CPLANE1: variants seen among roughly 807,000 people sequenced by gnomAD.
CPLANE1 encodes the protein ciliogenesis and planar polarity effector complex subunit 1.
A neutral mutation model predicts 362.5 loss-of-function variants in CPLANE1; 263 were observed. That is an observed-to-expected ratio of 0.73 (90% CI 0.66 to 0.80). CPLANE1 has a LOEUF of 0.80. CPLANE1 is among the 30% of genes least tolerant of loss of function. CPLANE1 has a pLI of 0.00. For synonymous variants in CPLANE1, 1,212 were observed against 1,302.6 expected, an observed-to-expected ratio of 0.93 and a Z score of 1.50; for missense variants, 3,461 against 3,793.4, an observed-to-expected ratio of 0.91 and a Z score of 2.30.
Position 37,209,454 on chromosome 5 carries a change from G to T in CPLANE1, c.2921-3029C>A. ...GCTATACCAGACATTTAAGGATCGG[G>T]GTATACTGGAAACACTCAAGATACA... On this transcript the variant is annotated intron_variant, in intron 16 of 52. Coordinates refer to ENST00000651892, the MANE Select transcript of CPLANE1 (RefSeq NM_001384732.1). The surrounding 1 kb of genome is among the most constrained non-coding windows in gnomAD (Gnocchi z 4.6). 1.5e-6 allele frequency: 2 copies of T among 1,308,956 alleles called. No homozygotes were observed. The highest frequency in any genetic ancestry group is 1.1e-6 in the Non-Finnish European group (1 of 903,898). 81.1% of individuals were successfully genotyped at this position (1,308,956 alleles called of 1,614,324 possible). A position where few individuals can be genotyped will look rare whatever the true frequency, so the allele number is the denominator to read the frequency against.
At chr5:37,126,793 C>G (rs943273725) in intron 46 of CPLANE1, among the ~76,000 whole-genome samples, 2 of 152,098 alleles carry the variant, frequency 1.3e-5, no homozygotes, top group African/African-American at 4.8e-5. Flanking sequence ...TCAAGCCCAG[C>G]TTGGGCAAAA....
Position 37,183,685 on chromosome 5 carries a change from T to C in CPLANE1, c.4496A>G (p.His1499Arg), listed in dbSNP as rs763128117. The change falls in exon 26 of 53, where the codon CAC becomes CGC. Residue 1499 changes from histidine (H) to arginine (R), a missense_variant. His to Arg is a conservative substitution (Grantham distance 29, BLOSUM62 0). Coordinates refer to ENST00000651892, the MANE Select transcript of CPLANE1 (RefSeq NM_001384732.1). ...INIYQRNAPN[H>R]MELTSIHKPT... Reference sequence around the variant, plus strand: ...CTTATGAATTGATGTTAATTCCATGTGATTTGGGGCATTTCTATAGCAAAA... The same window carrying C: ...CTTATGAATTGATGTTAATTCCATGCGATTTGGGGCATTTCTATAGCAAAA... 1 of 1,577,944 alleles carries C rather than the reference T, an allele frequency of 6.3e-7. No individual in the cohort carries two copies. The highest frequency in any genetic ancestry group is 1.9e-5 in the Admixed American group (1 of 51,712).
Position 37,183,352 on chromosome 5 carries a change from T to C in CPLANE1, c.4829A>G (p.Gln1610Arg). Residue 1610 changes from glutamine (Q) to arginine (R), a missense_variant, in exon 26 of 53, where the codon CAG (glutamine) becomes CGG (arginine). By Grantham distance (43) the Gln-to-Arg change is conservative. Transcript: ENST00000651892. ...LKRHQSKTKS[Q>R]NVFRAGSCFV... ...GCAAGAACCAGCTCTAAACACATTC[T>C]GGCTTTTAGTTTTGCTCTGATGTCG... 2 of 1,612,546 alleles carry C rather than the reference T, an allele frequency of 1.2e-6. No individual in the cohort carries two copies. The highest frequency in any genetic ancestry group is 1.7e-6 in the Non-Finnish European group (2 of 1,179,592).
chr5:37,154,314 C>T (rs915664508), intron 41 of CPLANE1, among the ~76,000 whole-genome samples: 4 of 152,002 alleles, frequency 2.6e-5, no homozygotes, highest in Admixed American at 6.6e-5. Flanking sequence ...AAACATCACA[C>T]GTTAAAAGCT....
rs1783182718 is a variant in CPLANE1 at position 37,183,381 on chromosome 5, T to C, written c.4800A>G (p.Leu1600=). 2 of 1,612,874 alleles carry C rather than the reference T, an allele frequency of 1.2e-6. No individual in the cohort carries two copies. Among genetic ancestry groups the C allele is most frequent in the Non-Finnish European group, 1.7e-6 (2 of 1,179,648 alleles). ...TTTTAGTTTTGCTCTGATGTCGTTT[T>C]AATGTTGTATGTACATCAAAAAGTA... ...NSLLFDVHTT[L]KRHQSKTKSQ... The change falls in exon 26 of 53, where the codon TTA becomes TTG. Residue 1600 remains leucine (L), a synonymous_variant. Coordinates refer to ENST00000651892, the MANE Select transcript of CPLANE1 (RefSeq NM_001384732.1).
chr5:37,126,326 CAT>C (rs747318777), intron 46 of CPLANE1, among the ~76,000 whole-genome samples: 1 of 152,190 alleles, frequency 6.6e-6, no homozygotes, highest in Non-Finnish European at 1.5e-5. Flanking sequence ...CCACACTTTC[CAT>C]AGTCTGGCCC....
At chr5:37,204,067 A>G (rs1425422969) in intron 18 of CPLANE1, among the ~76,000 whole-genome samples, 1 of 152,218 alleles carries the variant, frequency 6.6e-6, no homozygotes, top group Non-Finnish European at 1.5e-5. Context: ...GAGTTTTCAG[A>G]TCATTTAAAA....
the CPLANE1 span, among the ~76,000 whole-genome samples, chr5:37,094,148 G>C: frequency 6.6e-6 from 1 of 152,336 alleles, no homozygotes; most frequent in South Asian, 2.1e-4. Context: ...GTGGCTGACA[G>C]CACTCTCCTT....
intron 34 of CPLANE1, among the ~76,000 whole-genome samples, chr5:37,168,300 T>A (rs558727743): frequency 1.2e-3 from 189 of 152,336 alleles, no homozygotes; most frequent in African/African-American, 4.4e-3. Context: ...CCTCAAACAA[T>A]ATGTGTGCTC....
intron 16 of CPLANE1, chr5:37,212,085 A>G (rs1792771230): frequency 2.2e-6 from 2 of 907,946 alleles, no homozygotes; most frequent in Middle Eastern, 2.1e-4. Flanking sequence ...AATTTTAGAA[A>G]GGGAAAGAAG....
rs1757702691 is a variant in CPLANE1 at position 37,106,736 on chromosome 5, A to C, written c.*866T>G. ...CATGTTGTAAAACCTGGCTTCACAC[A>C]GGTAGATATTTGGAAAAAGAGGGGT... On this transcript the variant is annotated 3_prime_UTR_variant, in exon 53 of 53. Transcript: ENST00000651892. The C allele has an allele frequency of 1.6e-6, 1 of 639,038 alleles. No homozygotes were observed. The highest frequency in any genetic ancestry group is 1.9e-6 in the Non-Finnish European group (1 of 513,902). 39.6% of individuals were successfully genotyped at this position (639,038 alleles called of 1,614,324 possible). A position where few individuals can be genotyped will look rare whatever the true frequency, so the allele number is the denominator to read the frequency against.
At chr5:37,175,083 G>A (rs1416031373) in intron 31 of CPLANE1, among the ~76,000 whole-genome samples, 2 of 152,194 alleles carry the variant, frequency 1.3e-5, no homozygotes, top group Admixed American at 1.3e-4. Context: ...AAGGGGGAAT[G>A]GGTTTCAGGC....
At chr5:37,246,032 A>G (rs951059536) in intron 2 of CPLANE1, 187 bp from the exon 3 acceptor site, 1 of 420,236 alleles carries the variant, frequency 2.4e-6, no homozygotes, top group Non-Finnish European at 3.9e-6. Flanking sequence ...GTTTTAAAAT[A>G]CCTCGTTAGA....
chr5:37,128,419 C>T (rs1764841228), intron 46 of CPLANE1, among the ~76,000 whole-genome samples: 1 of 152,206 alleles, frequency 6.6e-6, no homozygotes. Flanking sequence ...GTGCTGCGTG[C>T]AGATGGTGTC....
chr5:37,182,467 A>T (rs966441568), intron 26 of CPLANE1, among the ~76,000 whole-genome samples: 4 of 152,178 alleles, frequency 2.6e-5, no homozygotes, highest in African/African-American at 9.7e-5. Flanking sequence ...CTGAAAGGAG[A>T]AATAATATAC....
chr5:37,234,733 C>T (rs748100639), intron 8 of CPLANE1, among the ~76,000 whole-genome samples: 7 of 152,176 alleles, frequency 4.6e-5, no homozygotes, highest in Non-Finnish European at 1.0e-4. Context: ...AGGACTCCAC[C>T]AGCGGCTATT....
intron 43 of CPLANE1, among the ~76,000 whole-genome samples, chr5:37,144,553 T>C (rs2150447028): frequency 6.6e-6 from 1 of 150,904 alleles, no homozygotes; most frequent in Non-Finnish European, 1.5e-5. Context: ...TTTACATTAT[T>C]TAAATTAGAA....
downstream of CPLANE1, among the ~76,000 whole-genome samples, chr5:37,101,271 G>C (rs538252750): frequency 3.3e-5 from 5 of 152,182 alleles, no homozygotes; most frequent in Non-Finnish European, 7.4e-5. Context: ...ATCATTTAGA[G>C]GTATGTTCCT....
chr5:37,139,664 C>T (rs569933145), intron 44 of CPLANE1: 219 of 395,030 alleles, frequency 5.5e-4, no homozygotes, highest in African/African-American at 4.5e-3. Context: ...AAACCTCCCA[C>T]CTTAACCTCC....
Sources: gnomAD v4.1 joint callset for allele counts (sites outside exome capture counted in the v4.1 genomes callset) on GRCh38, gnomAD v4.1.1 for gene constraint, Gnocchi (gnomAD v3.1) non-coding constraint, MANE v1.5 for transcripts, NCBI Gene and HGNC (gene_info 2026-07-23, HGNC 2026-07-21) for gene names.